The following GRIA2 variants were observed in gnomAD, a reference collection of about 807,000 sequenced individuals.
GRIA2 encodes the protein glutamate ionotropic receptor AMPA type subunit 2.
A neutral mutation model predicts 97.3 loss-of-function variants in GRIA2; 14 were observed. The ratio of observed to expected loss-of-function variants is 0.14; its 90% CI spans 0.10 to 0.23. The LOEUF is 0.23. Ranked by LOEUF, GRIA2 falls within the 10% of genes least tolerant of loss-of-function variation. The probability of loss-of-function intolerance (pLI) is 1.00; values close to 1 mark genes in which losing one functional copy is unlikely to be tolerated. For missense variants in GRIA2, 558 were observed against 1,069.8 expected (o/e 0.52, Z 6.67); for synonymous variants, 412 against 387.8 (o/e 1.06, Z -0.73).
chr4:157,355,911 A>AT (rs1736285817), intron 12 of GRIA2, among the ~76,000 whole-genome samples: 1 of 57,950 alleles, frequency 1.7e-5, no homozygotes, highest in Non-Finnish European at 3.4e-5. Context: ...AAATATATAT[A>AT]TATTAATATA....
chr4:157,272,484 T>C (rs1406835906), intron 2 of GRIA2, among the ~76,000 whole-genome samples: 1 of 151,856 alleles, frequency 6.6e-6, no homozygotes, highest in South Asian at 2.1e-4. Context: ...AATTGAAAAA[T>C]TGTTGCAGGC....
chr4:157,249,401 T>C (rs1730924438), intron 2 of GRIA2: 1 of 152,204 alleles, frequency 6.6e-6, no homozygotes. Context: ...TCTTTAGAAC[T>C]TCCAAATTAT....
Position 157,355,692 on chromosome 4 carries a change from ATT to A in GRIA2, c.2044-4202_2044-4201del, listed in dbSNP as rs1460574242. ...TTTTTATATATTTATTTATATATTT[ATT>A]TATATATATTTGTATATATTTATTT... On this transcript the variant is annotated intron_variant, in intron 12 of 15. Coordinates refer to ENST00000264426, the MANE Select transcript of GRIA2 (RefSeq NM_001083619.3). 7.8e-5 allele frequency among the ~76,000 whole-genome samples: 6 copies of A among 77,090 alleles called. No individual in the cohort carries two copies. In the East Asian group the frequency reaches 3.0e-3, roughly 39 times the overall value. 50.6% of individuals were successfully genotyped at this position (77,090 alleles called of 152,430 possible). A position where few individuals can be genotyped will look rare whatever the true frequency, so the allele number is the denominator to read the frequency against.
chr4:157,228,271 G>A (rs1316994652), intron 2 of GRIA2, among the ~76,000 whole-genome samples: 1 of 152,036 alleles, frequency 6.6e-6, no homozygotes, highest in Admixed American at 6.6e-5. Flanking sequence ...TTTTGTATTT[G>A]CTATACATAT....
intron 2 of GRIA2, among the ~76,000 whole-genome samples, chr4:157,225,545 A>C (rs1052333538): frequency 6.6e-6 from 1 of 152,042 alleles, no homozygotes; most frequent in Non-Finnish European, 1.5e-5. Flanking sequence ...CTAGGAATCC[A>C]ATCATTCATT....
chr4:157,334,185 CTATTTA>C (rs1579372003), intron 9 of GRIA2, 65 bp downstream of exon 9: 2 of 801,952 alleles, frequency 2.5e-6, no homozygotes, highest in East Asian at 4.9e-5. Flanking sequence ...GCAGGAGTAG[CTATTTA>C]TATTTTAGGA....
chr4:157,238,687 A>G (rs1236380962), intron 2 of GRIA2, among the ~76,000 whole-genome samples: 1 of 152,072 alleles, frequency 6.6e-6, no homozygotes, highest in Admixed American at 6.6e-5. Flanking sequence ...TCTTTTGCAT[A>G]TGTATTTTTC....
intron 8 of GRIA2, among the ~76,000 whole-genome samples, 200 bp downstream of exon 8, chr4:157,333,553 A>G (rs887740898): frequency 2.6e-5 from 4 of 152,006 alleles, no homozygotes; most frequent in Non-Finnish European, 5.9e-5. Context: ...TTTTAAAAAT[A>G]ATTATAGGTA....
At chr4:157,238,597 C>T (rs186680396) in intron 2 of GRIA2, among the ~76,000 whole-genome samples, 2 of 152,212 alleles carry the variant, frequency 1.3e-5, no homozygotes, top group African/African-American at 2.4e-5. Context: ...AATATTCACA[C>T]CAATCATTTC....
intron 2 of GRIA2, among the ~76,000 whole-genome samples, chr4:157,301,999 C>T (rs779100819): frequency 6.6e-6 from 1 of 151,852 alleles, no homozygotes; most frequent in Non-Finnish European, 1.5e-5. Flanking sequence ...AAGGTGAAAC[C>T]CCGTCTCTAC....
intron 2 of GRIA2, among the ~76,000 whole-genome samples, chr4:157,229,383 T>C (rs765810410): frequency 6.6e-6 from 1 of 152,166 alleles, no homozygotes; most frequent in Non-Finnish European, 1.5e-5. Context: ...AAGTGCTTGA[T>C]ACTACTCCAG....
At chr4:157,239,941 A>G (rs185336513) in intron 2 of GRIA2, among the ~76,000 whole-genome samples, 27 of 152,120 alleles carry the variant, frequency 1.8e-4, no homozygotes, top group Non-Finnish European at 3.4e-4. Context: ...TAGTCTTTCA[A>G]GAGACTTTAT....
At chr4:157,350,347 G>A (rs1246014992) in intron 12 of GRIA2, among the ~76,000 whole-genome samples, 1 of 151,966 alleles carries the variant, frequency 6.6e-6, no homozygotes, top group Non-Finnish European at 1.5e-5. Context: ...GTCCATGTTA[G>A]TCTTACAGTG....
Position 157,281,283 on chromosome 4 carries a change from A to G in GRIA2, c.230-22269A>G, listed in dbSNP as rs532854989. Among the ~76,000 whole-genome samples the G allele has an allele frequency of 2.0e-5, 3 of 152,210 alleles. No homozygotes were observed. In the East Asian group the frequency reaches 5.8e-4, roughly 30 times the overall value. On this transcript the variant is annotated intron_variant, in intron 2 of 15. Transcript: ENST00000264426. Reference sequence around the variant, plus strand: ...TAATTACTAACATATCATACTTCCTAGAAGTTTCCCTAATTCATTGCTCTC... The same window carrying G: ...TAATTACTAACATATCATACTTCCTGGAAGTTTCCCTAATTCATTGCTCTC...
chr4:157,354,268 T>C (rs1736148894), intron 12 of GRIA2, among the ~76,000 whole-genome samples: 1 of 152,204 alleles, frequency 6.6e-6, no homozygotes, highest in African/African-American at 2.4e-5. Context: ...AAACCTACCA[T>C]CTTTAGCCAA....
At chr4:157,358,641 C>T (rs1736498085) in intron 12 of GRIA2, among the ~76,000 whole-genome samples, 1 of 152,140 alleles carries the variant, frequency 6.6e-6, no homozygotes, top group African/African-American at 2.4e-5. Context: ...CTCAATACAA[C>T]AGCCCCTACT....
chr4:157,336,173 G>A (rs1422150356), intron 10 of GRIA2, among the ~76,000 whole-genome samples: 1 of 152,058 alleles, frequency 6.6e-6, no homozygotes, highest in African/African-American at 2.4e-5. Flanking sequence ...AGTCAAGCCA[G>A]CTGGGTATAC....
chr4:157,363,032 T>C lies in GRIA2; in HGVS notation c.2640T>C (p.Ser880=). The change falls in exon 15 of 16, where the codon AGT becomes AGC. Residue 880 remains serine, a synonymous_variant. Coordinates refer to ENST00000264426, the MANE Select transcript of GRIA2 (RefSeq NM_001083619.3). ...KEGYNVYGIE[S]VKI is the part of the protein sequence containing the mutation. Reference sequence around the variant, plus strand: ...GTTACAACGTATATGGCATCGAAAGTGTTAAAATTTAGGGGGTAGGAACGA... The same window carrying C: ...GTTACAACGTATATGGCATCGAAAGCGTTAAAATTTAGGGGGTAGGAACGA... 6.2e-7 allele frequency: 1 copy of C among 1,611,136 alleles called. No individual in the cohort carries two copies. The highest frequency in any genetic ancestry group is 8.5e-7 in the Non-Finnish European group (1 of 1,178,074).
chr4:157,296,189 C>T (rs1013288241), intron 2 of GRIA2, among the ~76,000 whole-genome samples: 4 of 152,052 alleles, frequency 2.6e-5, no homozygotes, highest in African/African-American at 7.2e-5. Context: ...TATTTTCATA[C>T]TAAAAATGAT....
Sources: allele counts gnomAD v4.1 joint callset (sites outside exome capture counted in the v4.1 genomes callset), GRCh38; gene constraint gnomAD v4.1.1; transcripts MANE v1.5; gene names NCBI Gene and HGNC (gene_info 2026-07-23, HGNC 2026-07-21).